The following SNTG1 variants were observed in gnomAD, a reference collection of about 807,000 sequenced individuals.
SNTG1 encodes gamma-1-syntrophin.
SNTG1 carries 39 observed loss-of-function variants against 74.7 expected under a neutral mutation model. The ratio of observed to expected loss-of-function variants is 0.52; its 90% CI spans 0.40 to 0.68. The LOEUF is 0.68. Among genes scored for constraint, SNTG1 ranks in the 30% least tolerant of loss-of-function variants. The pLI, the probability that SNTG1 is intolerant of heterozygous loss-of-function variation, is 0.00. For missense variants in SNTG1, 685 were observed against 609.5 expected (o/e 1.12, Z -1.30); for synonymous variants, 254 against 217.1 (o/e 1.17, Z -1.49).
intron 2 of SNTG1, among the ~76,000 whole-genome samples, chr8:50,338,142 T>A (rs201173538): frequency 0.053 from 8,036 of 150,966 alleles, 256 homozygotes; most frequent in Non-Finnish European, 0.07. Flanking sequence ...TCAAAAAAAA[T>A]AAATAAATAA....
At chr8:50,321,977 A>C (rs569031786) in intron 2 of SNTG1, among the ~76,000 whole-genome samples, 24 of 152,248 alleles carry the variant, frequency 1.6e-4, no homozygotes, top group African/African-American at 5.5e-4. Context: ...ATACATCAAA[A>C]TTACAGTGTT....
chr8:50,709,296 C>G (rs1361398910), intron 17 of SNTG1: 4 of 354,470 alleles, frequency 1.1e-5, no homozygotes, highest in Non-Finnish European at 1.5e-5. Flanking sequence ...TTTTCTTCCC[C>G]AAAAAGCAGT....
At chr8:50,174,621 C>T (rs1185886936) in intron 2 of SNTG1, among the ~76,000 whole-genome samples, 1 of 152,146 alleles carries the variant, frequency 6.6e-6, no homozygotes, top group Admixed American at 6.5e-5. Flanking sequence ...TTTTTCATTG[C>T]TAGACCTTTT....
chr8:50,388,790 G>A (rs1051967854), intron 2 of SNTG1, among the ~76,000 whole-genome samples: 1 of 152,206 alleles, frequency 6.6e-6, no homozygotes, highest in Non-Finnish European at 1.5e-5. Context: ...TTTAAAGTGA[G>A]TTGATTATAT....
rs573864104 is a variant in SNTG1, at chr8:49,998,121, A to G, written c.-103+85890A>G. Among the ~76,000 whole-genome samples the G allele has an allele frequency of 3.3e-5, 5 of 152,282 alleles. No individual in the cohort carries two copies. The South Asian group carries it at 8.3e-4, about 25-fold the overall frequency. ...GTAACAGCATGGTAAGCATTTGTGT[A>G]TCTACACATACATAAACATACACAT... On this transcript the variant is annotated intron_variant, in intron 1 of 18. Coordinates refer to ENST00000642720, the MANE Select transcript of SNTG1 (RefSeq NM_018967.5).
intron 8 of SNTG1, among the ~76,000 whole-genome samples, chr8:50,460,775 G>A (rs1176033650): frequency 6.6e-6 from 1 of 152,038 alleles, no homozygotes; most frequent in East Asian, 1.9e-4. Flanking sequence ...TGTCGACTTT[G>A]TCAAAGGTTA....
chr8:50,598,056 G>GT lies in SNTG1; in HGVS notation c.849+7148dup, dbSNP rs779137897. ...GTTCGTTTGTTTGTTTTTGTTTTTT[G>GT]TTTTTTTTTAGTTTGATGCAATCCC... is the stretch of plus-strand genomic sequence containing the variant. On this transcript the variant is annotated intron_variant, in intron 13 of 18. Transcript: ENST00000642720. Among the ~76,000 whole-genome samples, 1,050 of 149,084 alleles carry GT rather than the reference G, an allele frequency of 7.0e-3. 7 individuals are homozygous for GT. The highest frequency in any genetic ancestry group is 0.021 in the African/African-American group (854 of 40,804).
intron 1 of SNTG1, among the ~76,000 whole-genome samples, chr8:50,160,539 C>T (rs1252800369): frequency 6.6e-6 from 1 of 152,024 alleles, no homozygotes. Flanking sequence ...TATATCACAA[C>T]TAGGATAGTT....
At chr8:50,458,265 A>G (rs1003404578) in intron 8 of SNTG1, 1 of 152,132 alleles carries the variant, frequency 6.6e-6, no homozygotes, top group African/African-American at 2.4e-5. Context: ...ATATTGTAAT[A>G]TTTTCAGATA....
intron 2 of SNTG1, among the ~76,000 whole-genome samples, chr8:50,203,142 A>G (rs1180784544): frequency 6.6e-6 from 1 of 152,058 alleles, no homozygotes; most frequent in East Asian, 1.9e-4. Flanking sequence ...ACATGCCTTC[A>G]AGCTCACTCA....
chr8:50,274,173 G>C (rs757343774), intron 2 of SNTG1, among the ~76,000 whole-genome samples: 1 of 151,734 alleles, frequency 6.6e-6, no homozygotes, highest in African/African-American at 2.4e-5. Context: ...CTGCACCCTC[G>C]CCTCCCAGGT....
intron 11 of SNTG1, among the ~76,000 whole-genome samples, chr8:50,551,494 T>G (rs1334854422): frequency 6.6e-6 from 1 of 152,154 alleles, no homozygotes; most frequent in African/African-American, 2.4e-5. Context: ...TAATTTATGG[T>G]ACATGAAGCA....
chr8:50,529,854 T>A (rs971403391), intron 9 of SNTG1, among the ~76,000 whole-genome samples: 2 of 146,692 alleles, frequency 1.4e-5, no homozygotes, highest in African/African-American at 4.9e-5. Context: ...CTTGTATTAT[T>A]TTAAGTATGG....
chr8:50,285,001 C>T (rs2088684951), intron 2 of SNTG1, among the ~76,000 whole-genome samples: 2 of 151,954 alleles, frequency 1.3e-5, no homozygotes, highest in South Asian at 4.1e-4. Context: ...GCAAGTTCTC[C>T]TTTCATTTCA....
chr8:50,501,151 T>G (rs1381950074), intron 8 of SNTG1, among the ~76,000 whole-genome samples: 1 of 152,042 alleles, frequency 6.6e-6, no homozygotes, highest in East Asian at 1.9e-4. Flanking sequence ...CTGGTATTAG[T>G]GCGGCTCCTT....
Position 50,564,399 on chromosome 8 carries a change from A to T in SNTG1, c.810+11220A>T, listed in dbSNP as rs145528180. Among the ~76,000 whole-genome samples, 235 of 152,232 alleles carry T rather than the reference A, an allele frequency of 1.5e-3. 1 individual carries two copies. The highest frequency in any genetic ancestry group is 5.4e-3 in the African/African-American group (225 of 41,562). On this transcript the variant is annotated intron_variant, in intron 12 of 18. Coordinates refer to ENST00000642720, the MANE Select transcript of SNTG1 (RefSeq NM_018967.5). Reference sequence around the variant, plus strand: ...ATTTTATTATAATGATCAATGAAGGATCATATTTTCACATTACCTGATATT... The same window carrying T: ...ATTTTATTATAATGATCAATGAAGGTTCATATTTTCACATTACCTGATATT...
At chr8:50,167,994 A>G (rs1417147499) in intron 1 of SNTG1, among the ~76,000 whole-genome samples, 2 of 152,104 alleles carry the variant, frequency 1.3e-5, no homozygotes, top group East Asian at 3.8e-4. Flanking sequence ...TACTTAATGA[A>G]GGAATCTAAA....
At chr8:50,516,744 A>G (rs2094136940) in intron 9 of SNTG1, among the ~76,000 whole-genome samples, 1 of 152,194 alleles carries the variant, frequency 6.6e-6, no homozygotes, top group African/African-American at 2.4e-5. Flanking sequence ...AAGATTAGAG[A>G]AAAAAGAATG....
At chr8:50,362,827 G>A (rs1011903825) in intron 2 of SNTG1, among the ~76,000 whole-genome samples, 1 of 152,086 alleles carries the variant, frequency 6.6e-6, no homozygotes. Context: ...GCTTCACAAA[G>A]ACACATAAGA....
Sources: gnomAD v4.1 joint callset for allele counts (sites outside exome capture counted in the v4.1 genomes callset) on GRCh38, gnomAD v4.1.1 for gene constraint, MANE v1.5 for transcripts, NCBI Gene and HGNC (gene_info 2026-07-23, HGNC 2026-07-21) for gene names.